CNGB1: variants seen among roughly 807,000 people sequenced by gnomAD.
CNGB1 encodes the protein cyclic nucleotide-gated channel beta-1.
Under a neutral mutation model 151.7 loss-of-function variants are expected in CNGB1, and 126 were observed. That is an observed-to-expected ratio of 0.83 (90% CI 0.72 to 0.96). The LOEUF (loss-of-function observed/expected upper bound fraction) is 0.96, where lower values mean the gene tolerates loss of function less well. Ranked by LOEUF, CNGB1 falls within the 40% of genes least tolerant of loss-of-function variation. The probability of loss-of-function intolerance (pLI) is 0.00; values close to 1 mark genes in which losing one functional copy is unlikely to be tolerated. For synonymous variants in CNGB1, 623 were observed against 635.1 expected (o/e 0.98, Z 0.29); for missense variants, 1,698 against 1,627.0 (o/e 1.04, Z -0.75).
chr16:57,938,416 C>T (rs113916575), intron 16 of CNGB1, among the ~76,000 whole-genome samples: 70 of 152,332 alleles, frequency 4.6e-4, no homozygotes, highest in African/African-American at 1.6e-3. Flanking sequence ...CTGGCCGAGA[C>T]ACATCCTCGT....
At chr16:57,969,805 C>G (rs141966926) in intron 1 of CNGB1, among the ~76,000 whole-genome samples, 18 of 152,298 alleles carry the variant, frequency 1.2e-4, no homozygotes, top group African/African-American at 4.3e-4. Flanking sequence ...GATGGCCTGG[C>G]CAGTGCGCAG....
intron 12 of CNGB1, among the ~76,000 whole-genome samples, chr16:57,951,557 A>G (rs1961949070): frequency 6.6e-6 from 1 of 152,180 alleles, no homozygotes; most frequent in Admixed American, 6.5e-5. Flanking sequence ...GCCGGCCTCA[A>G]GTCTTATCCT....
chr16:57,905,914 C>G (rs1330564994), intron 25 of CNGB1, among the ~76,000 whole-genome samples: 4 of 152,234 alleles, frequency 2.6e-5, no homozygotes, highest in African/African-American at 7.2e-5. Context: ...GTTACCCAGT[C>G]TCATGTATTT....
chr16:57,954,751 A>G, intron 12 of CNGB1: 4 of 969,466 alleles, frequency 4.1e-6, no homozygotes, highest in Non-Finnish European at 4.9e-6. Context: ...CAAGCCTTGG[A>G]AGGAGAGAGT....
intron 19 of CNGB1, among the ~76,000 whole-genome samples, chr16:57,919,916 C>A (rs1298412787): frequency 6.6e-6 from 1 of 152,160 alleles, no homozygotes; most frequent in Non-Finnish European, 1.5e-5. Flanking sequence ...TCTAAAAAAT[C>A]TCCCTGACAA....
In CNGB1 at chr16:57,919,210, C is replaced by A; in HGVS notation, c.1846G>T (p.Ala616Ser). ...TCCTCTTCCACTGGCTCGGCTTCAG[C>A]GGGCTTTGTGTCTGGAGCTGGCTCT... is the stretch of plus-strand genomic sequence containing the variant. ...APEPAPDTKP[A>S]EAEPVEEEHY... is the part of the protein sequence containing the mutation. Residue 616 changes from alanine (A) to serine (S), a missense_variant, in exon 20 of 33, where the codon GCT (alanine) becomes TCT (serine). Physicochemically the swap from Ala to Ser is moderately conservative, Grantham distance 99. Transcript: ENST00000251102. 2 of 1,614,206 alleles carry A rather than the reference C, an allele frequency of 1.2e-6. No homozygotes were observed. The highest frequency in any genetic ancestry group is 1.7e-6 in the Non-Finnish European group (2 of 1,180,046).
intron 3 of CNGB1, 87 bp downstream of exon 3, chr16:57,964,400 T>C: frequency 3.3e-6 from 5 of 1,536,204 alleles, no homozygotes; most frequent in South Asian, 1.1e-5. Flanking sequence ...GTGAAATGGG[T>C]CCGCCAGCCT....
At chr16:57,969,254 C>T (rs1214535108) in intron 1 of CNGB1, among the ~76,000 whole-genome samples, 2 of 152,044 alleles carry the variant, frequency 1.3e-5, no homozygotes, top group African/African-American at 4.8e-5. Flanking sequence ...TGCAGTGAGC[C>T]GAGATCGTGC....
At position 57,923,302 on chromosome 16, in the gene CNGB1, C is replaced by T; in HGVS notation, c.1614G>A (p.Trp538Ter). Residue 538 changes from tryptophan (W) to a stop codon, truncating the protein, a stop_gained, in exon 18 of 33, where the codon TGG becomes TGA. Coordinates refer to ENST00000251102, the MANE Select transcript of CNGB1 (RefSeq NM_001297.5). LOFTEE classifies it high-confidence loss of function. ...TGTCCTTCGGGGTGGTGGGGTCAGA[C>T]CAGGCAACCACTGGGGACTCTGCTG... ...LSPAESPVVA[W>*]SDPTTPKDTD... 6.2e-7 allele frequency: 1 copy of T among 1,611,378 alleles called. No homozygotes were observed.
intron 12 of CNGB1, 28 bp downstream of exon 12, chr16:57,957,313 C>T: frequency 6.2e-7 from 1 of 1,609,424 alleles, no homozygotes; most frequent in Non-Finnish European, 8.5e-7. Context: ...CTAATATGTA[C>T]ATGGGGACTC....
chr16:57,910,961 T>C (rs569686126), intron 25 of CNGB1, among the ~76,000 whole-genome samples: 1 of 152,270 alleles, frequency 6.6e-6, no homozygotes, highest in African/African-American at 2.4e-5. Context: ...AGATTCTTTT[T>C]GGTTCGCACG....
chr16:57,942,709 AAAAACTAGCTGGG>A (rs1386025558), intron 14 of CNGB1, among the ~76,000 whole-genome samples: 1 of 151,998 alleles, frequency 6.6e-6, no homozygotes, highest in East Asian at 1.9e-4. Context: ...TATAAGATAC[AAAAACTAGCTGGG>A]TGTGGTGGCA....
At chr16:57,957,479 G>C in intron 11 of CNGB1, 102 bp from the exon 12 acceptor site, 1 of 970,454 alleles carries the variant, frequency 1.0e-6, no homozygotes, top group South Asian at 1.3e-5. Context: ...CCACCTCTCC[G>C]GGCCTTAGTT....
At chr16:57,912,768 T>A (rs1960759181) in intron 24 of CNGB1, among the ~76,000 whole-genome samples, 162 bp downstream of exon 24, 1 of 150,982 alleles carries the variant, frequency 6.6e-6, no homozygotes, top group South Asian at 2.1e-4. Flanking sequence ...TGTGTGTATG[T>A]TGAATGTTGT....
At position 57,931,817 on chromosome 16, in the gene CNGB1, G is replaced by C; in HGVS notation, c.1434C>G (p.Pro478=). 6.2e-7 allele frequency: 1 copy of C among 1,614,150 alleles called. No individual in the cohort carries two copies. Among genetic ancestry groups the C allele is most frequent in the Non-Finnish European group, 8.5e-7 (1 of 1,180,024 alleles). ...QVEDTDADSC[P]LMAEENPPST... is the part of the protein sequence containing the mutation. The stretch of plus-strand genomic sequence containing the variant: ...AGGGTGGATTCTCTTCTGCCATGAG[G>C]GGGCAGCTATCAGCATCAGTATCTT... The change falls in exon 17 of 33, where the codon CCC becomes CCG. Residue 478 remains proline (P), a synonymous_variant. Transcript: ENST00000251102.
Position 57,884,431 on chromosome 16 carries a change from T to C in CNGB1, c.3489A>G (p.Gly1163=), listed in dbSNP as rs1233216162. 1.2e-6 allele frequency: 2 copies of C among 1,613,094 alleles called. No homozygotes were observed. Among genetic ancestry groups the C allele is most frequent in the African/African-American group, 2.7e-5 (2 of 74,672 alleles). Residue 1163 remains glycine (G), a synonymous_variant, in exon 33 of 33, where the codon GGA becomes GGG. Coordinates refer to ENST00000251102, the MANE Select transcript of CNGB1 (RefSeq NM_001297.5). ...GGTCTGGGGCGGCGGAGCCTTCCTC[T>C]CCCTTGACGTCTTGCGAGCTCTTGG... ...EQAKSSQDVK[G]EEGSAAPDQH... is the part of the protein sequence containing the mutation.
At chr16:57,932,463 T>C (rs1961381248) in intron 16 of CNGB1, among the ~76,000 whole-genome samples, 1 of 145,844 alleles carries the variant, frequency 6.9e-6, no homozygotes, top group Non-Finnish European at 1.5e-5. Flanking sequence ...AGTGCAGTGG[T>C]GCAATCTCAG....
At chr16:57,910,404 T>G (rs1359913731) in intron 25 of CNGB1, among the ~76,000 whole-genome samples, 3 of 152,160 alleles carry the variant, frequency 2.0e-5, no homozygotes, top group Admixed American at 2.0e-4. Flanking sequence ...AGACAGAGTC[T>G]TGCTCTATCA....
intron 16 of CNGB1, 88 bp downstream of exon 16, chr16:57,939,342 A>G: frequency 6.4e-7 from 1 of 1,572,268 alleles, no homozygotes; most frequent in Non-Finnish European, 8.7e-7. Flanking sequence ...GGAGAGGAGG[A>G]GGGGTTGCCC....
Sources: allele counts gnomAD v4.1 joint callset (sites outside exome capture counted in the v4.1 genomes callset), GRCh38; gene constraint gnomAD v4.1.1; transcripts MANE v1.5; gene names NCBI Gene and HGNC (gene_info 2026-07-23, HGNC 2026-07-21).